Variants in SH3GL3 observed in about 807,000 individuals in gnomAD.
SH3GL3 encodes endophilin-A3.
Under a neutral mutation model 47.7 loss-of-function variants are expected in SH3GL3, and 33 were observed. The observed-to-expected ratio is 0.69, with a 90% confidence interval of 0.52 to 0.92. The LOEUF is 0.92. Among genes scored for constraint, SH3GL3 ranks in the 40% least tolerant of loss-of-function variants. SH3GL3 has a pLI of 0.00. For synonymous variants in SH3GL3, 155 were observed against 148.8 expected, an observed-to-expected ratio of 1.04 and a Z score of -0.30; for missense variants, 363 against 417.8, an observed-to-expected ratio of 0.87 and a Z score of 1.14.
At chr15:83,567,130 A>G (rs1566993576) in intron 3 of SH3GL3, among the ~76,000 whole-genome samples, 1 of 152,154 alleles carries the variant, frequency 6.6e-6, no homozygotes, top group Non-Finnish European at 1.5e-5. Context: ...TGTTCAATTC[A>G]TAGTCACATT....
the SH3GL3 span, among the ~76,000 whole-genome samples, chr15:83,626,917 C>T: frequency 6.6e-6 from 1 of 152,162 alleles, no homozygotes; most frequent in East Asian, 1.9e-4. Flanking sequence ...GTATTTTTCT[C>T]CTCTGGATGA....
intron 3 of SH3GL3, among the ~76,000 whole-genome samples, chr15:83,567,959 T>A (rs928770576): frequency 2.5e-5 from 3 of 118,582 alleles, no homozygotes; most frequent in African/African-American, 1.1e-4. Context: ...CATCATTTCT[T>A]TTTTTTTTTC....
At chr15:83,459,344 A>T (rs183060221) in intron 1 of SH3GL3, among the ~76,000 whole-genome samples, 2 of 152,334 alleles carry the variant, frequency 1.3e-5, no homozygotes, top group Non-Finnish European at 2.9e-5. Flanking sequence ...GCATTCTTCA[A>T]TCCAATCAAG....
chr15:83,470,091 G>A (rs2040762946), intron 1 of SH3GL3, among the ~76,000 whole-genome samples: 2 of 152,076 alleles, frequency 1.3e-5, no homozygotes, highest in South Asian at 4.1e-4. Flanking sequence ...TTCCTCTGAA[G>A]TCTACTTTAT....
intron 1 of SH3GL3, among the ~76,000 whole-genome samples, chr15:83,549,587 T>G (rs1393830416): frequency 1.3e-5 from 2 of 152,218 alleles, no homozygotes; most frequent in Non-Finnish European, 2.9e-5. Flanking sequence ...ACTGTGATAC[T>G]GCAGAAATAC....
chr15:83,598,578 A>G (rs112035758), intron 8 of SH3GL3, among the ~76,000 whole-genome samples: 1,732 of 152,370 alleles, frequency 0.011, 35 homozygotes, highest in African/African-American at 0.037. Context: ...CCCTTAAGAC[A>G]TTCAATGCCA....
At chr15:83,450,207 ACT>A (rs2039669868) in intron 1 of SH3GL3, among the ~76,000 whole-genome samples, 1 of 152,128 alleles carries the variant, frequency 6.6e-6, no homozygotes, top group Admixed American at 6.5e-5. Context: ...TGGTTTCACA[ACT>A]CTGTGAATAT....
intron 1 of SH3GL3, among the ~76,000 whole-genome samples, chr15:83,502,513 T>A: frequency 1.3e-5 from 2 of 152,238 alleles, no homozygotes; most frequent in East Asian, 3.8e-4. Flanking sequence ...TATATATGCC[T>A]GTGTGAATGA....
chr15:83,558,132 A>G (rs1247162819), intron 1 of SH3GL3, among the ~76,000 whole-genome samples: 1 of 152,184 alleles, frequency 6.6e-6, no homozygotes, highest in African/African-American at 2.4e-5. Context: ...TTAAGGGCGT[A>G]GATTATGTTA....
intron 1 of SH3GL3, among the ~76,000 whole-genome samples, chr15:83,556,436 A>G (rs1379798975): frequency 1.3e-5 from 2 of 152,246 alleles, no homozygotes; most frequent in Non-Finnish European, 2.9e-5. Context: ...GTCTTTTCAA[A>G]CAAGATATAT....
At chr15:83,584,841 T>A (rs1479519093) in intron 6 of SH3GL3, among the ~76,000 whole-genome samples, 1 of 152,264 alleles carries the variant, frequency 6.6e-6, no homozygotes, top group Non-Finnish European at 1.5e-5. Flanking sequence ...TGACTTTCTC[T>A]GATTCAACAG....
intron 1 of SH3GL3, among the ~76,000 whole-genome samples, chr15:83,511,356 G>A (rs1846359690): frequency 6.6e-6 from 1 of 152,090 alleles, no homozygotes; most frequent in Non-Finnish European, 1.5e-5. Context: ...TAAACTTTTG[G>A]CTTTCTTCAA....
chr15:83,511,616 C>CTAT lies in SH3GL3; in HGVS notation c.46-47637_46-47636insTAT, dbSNP rs534907602. On this transcript the variant is annotated intron_variant, in intron 1 of 8. Coordinates refer to ENST00000427482, the MANE Select transcript of SH3GL3 (RefSeq NM_003027.5). ...ATAATAATCACTATTACTACTACTA[C>CTAT]GGGTATTTACTGCTTATGAAATCTA... Among the ~76,000 whole-genome samples, 94 of 152,086 alleles carry CTAT rather than the reference C, an allele frequency of 6.2e-4. 1 individual carries two copies. The highest frequency in any genetic ancestry group is 1.2e-3 in the Non-Finnish European group (83 of 68,012).
At chr15:83,553,021 C>A (rs1325734643) in intron 1 of SH3GL3, among the ~76,000 whole-genome samples, 1 of 152,080 alleles carries the variant, frequency 6.6e-6, no homozygotes, top group Non-Finnish European at 1.5e-5. Flanking sequence ...AATCCCAGCA[C>A]TTTAGGAGGT....
At chr15:83,513,440 C>G (rs1380796592) in intron 1 of SH3GL3, among the ~76,000 whole-genome samples, 1 of 152,226 alleles carries the variant, frequency 6.6e-6, no homozygotes, top group Non-Finnish European at 1.5e-5. Context: ...ATGTGTCACC[C>G]TCTGTCCCTA....
At chr15:83,450,563 C>T (rs1431137970) in intron 1 of SH3GL3, among the ~76,000 whole-genome samples, 1 of 151,990 alleles carries the variant, frequency 6.6e-6, no homozygotes, top group Non-Finnish European at 1.5e-5. Flanking sequence ...CTCGTAAACC[C>T]TGGGGATTAT....
chr15:83,523,964 AAAACAG>A (rs1454300466), intron 1 of SH3GL3, among the ~76,000 whole-genome samples: 1 of 151,728 alleles, frequency 6.6e-6, no homozygotes, highest in Non-Finnish European at 1.5e-5. Flanking sequence ...AAAAAAAAAA[AAAACAG>A]ACAGCAAAAA....
chr15:83,538,720 T>C (rs1351867175), intron 1 of SH3GL3, among the ~76,000 whole-genome samples: 1 of 152,222 alleles, frequency 6.6e-6, no homozygotes, highest in Non-Finnish European at 1.5e-5. Flanking sequence ...TTTTTCATTA[T>C]AATACTATAT....
rs148624175 is a variant in SH3GL3 at position 83,566,564 on chromosome 15, C to G, written c.187+1358C>G. On this transcript the variant is annotated intron_variant, in intron 3 of 8. Coordinates refer to ENST00000427482, the MANE Select transcript of SH3GL3 (RefSeq NM_003027.5). Reference sequence around the variant, plus strand: ...CCAAGGCATGATGATTGCTTGAAGCCAAGAGTTCAAGACCAGCCTGGGCAA... The same window carrying G: ...CCAAGGCATGATGATTGCTTGAAGCGAAGAGTTCAAGACCAGCCTGGGCAA... Among the ~76,000 whole-genome samples the G allele has an allele frequency of 5.3e-3, 803 of 152,280 alleles. 8 individuals are homozygous for G. Among genetic ancestry groups the G allele is most frequent in the African/African-American group, 0.018 (760 of 41,548 alleles).
Sources: gnomAD v4.1 joint callset for allele counts (sites outside exome capture counted in the v4.1 genomes callset) on GRCh38, gnomAD v4.1.1 for gene constraint, MANE v1.5 for transcripts, NCBI Gene and HGNC (gene_info 2026-07-23, HGNC 2026-07-21) for gene names.